MAP3K7CL: variants seen among roughly 807,000 people sequenced by gnomAD.
MAP3K7CL encodes MAP3K7 C-terminal like, also known as MAP3K7 C-terminal-like protein.
MAP3K7CL carries 16 observed loss-of-function variants against 18.6 expected under a neutral mutation model. That is an observed-to-expected ratio of 0.86 (90% CI 0.58 to 1.31). The LOEUF (loss-of-function observed/expected upper bound fraction) is 1.31, where lower values mean the gene tolerates loss of function less well. MAP3K7CL is among the 50% of genes most tolerant of loss of function. MAP3K7CL has a pLI of 0.00. For missense variants in MAP3K7CL, 163 were observed against 174.4 expected (o/e 0.93, Z 0.37); for synonymous variants, 65 against 66.8 (o/e 0.97, Z 0.13).
intron 4 of MAP3K7CL, among the ~76,000 whole-genome samples, chr21:29,093,217 C>T (rs1271924448): frequency 6.6e-6 from 1 of 152,166 alleles, no homozygotes; most frequent in Non-Finnish European, 1.5e-5. Flanking sequence ...TATCATAAGA[C>T]TTCTATTTCC....
intron 1 of MAP3K7CL, among the ~76,000 whole-genome samples, chr21:29,089,337 T>A (rs2085982354): frequency 1.3e-5 from 2 of 152,176 alleles, no homozygotes; most frequent in Admixed American, 1.3e-4. Flanking sequence ...GGCCTTACAT[T>A]TGTCTTTTTC....
At chr21:29,078,817 A>T (rs2085790649) in intron 1 of MAP3K7CL, among the ~76,000 whole-genome samples, 1 of 152,166 alleles carries the variant, frequency 6.6e-6, no homozygotes, top group South Asian at 2.1e-4. Context: ...TACGACTACC[A>T]TGTTGGTCCC....
At chr21:29,146,535 C>T (rs1230546201) in intron 2 of MAP3K7CL, among the ~76,000 whole-genome samples, 1 of 152,196 alleles carries the variant, frequency 6.6e-6, no homozygotes, top group Non-Finnish European at 1.5e-5. Flanking sequence ...TTTGTCACTT[C>T]TGGTCTAAGT....
At chr21:29,172,195 A>ATT (rs398121592) in intron 4 of MAP3K7CL, among the ~76,000 whole-genome samples, 25 of 131,824 alleles carry the variant, frequency 1.9e-4, no homozygotes, top group Admixed American at 3.1e-4. Context: ...CTTCAAAACT[A>ATT]TTTTTTTTTC....
At chr21:29,111,126 A>G (rs1379520224) in intron 4 of MAP3K7CL, among the ~76,000 whole-genome samples, 2 of 151,982 alleles carry the variant, frequency 1.3e-5, no homozygotes, top group East Asian at 1.9e-4. Context: ...CGTGGTGGTG[A>G]GTGCCTGTAG....
intron 4 of MAP3K7CL, among the ~76,000 whole-genome samples, chr21:29,095,926 G>A (rs1243213782): frequency 6.6e-6 from 1 of 152,208 alleles, no homozygotes; most frequent in Admixed American, 6.5e-5. Context: ...CCACTTGATA[G>A]TATCAGCTGT....
chr21:29,103,083 T>C (rs1024276846), intron 4 of MAP3K7CL, among the ~76,000 whole-genome samples: 2 of 152,204 alleles, frequency 1.3e-5, no homozygotes, highest in African/African-American at 4.8e-5. Context: ...TATTTGTTAT[T>C]TTAAGCTAGG....
rs560365725 is a variant in MAP3K7CL at position 29,168,972 on chromosome 21, G to A, written c.249-5740G>A. On this transcript the variant is annotated intron_variant, in intron 4 of 4. Transcript: ENST00000399928. ...TTAATTCTTGTCAGGTTGATTGATA[G>A]TGGGAATCTCCACTTCCTTTAGGTG... 5.3e-5 allele frequency among the ~76,000 whole-genome samples: 8 copies of A among 152,310 alleles called. No individual in the cohort carries two copies. In the South Asian group the frequency reaches 1.2e-3, roughly 24 times the overall value.
At chr21:29,097,156 A>G (rs897364986) in intron 4 of MAP3K7CL, among the ~76,000 whole-genome samples, 3 of 152,096 alleles carry the variant, frequency 2.0e-5, no homozygotes, top group Admixed American at 1.3e-4. Flanking sequence ...AGTTATCAGG[A>G]AAAGAGGGAC....
intron 2 of MAP3K7CL, among the ~76,000 whole-genome samples, chr21:29,141,807 T>A (rs1363221275): frequency 6.6e-6 from 1 of 152,186 alleles, no homozygotes; most frequent in Non-Finnish European, 1.5e-5. Context: ...CTCTAGTGTT[T>A]AATAAGCAGG....
intron 4 of MAP3K7CL, among the ~76,000 whole-genome samples, chr21:29,110,734 C>T (rs941638393): frequency 6.6e-6 from 1 of 152,134 alleles, no homozygotes; most frequent in Non-Finnish European, 1.5e-5. Context: ...CTGGTAGTTC[C>T]TAAACTTCAT....
intron 2 of MAP3K7CL, among the ~76,000 whole-genome samples, chr21:29,141,499 C>T (rs963950099): frequency 1.9e-4 from 28 of 146,680 alleles, no homozygotes; most frequent in African/African-American, 6.3e-4. Flanking sequence ...GGTGACACAG[C>T]GAGACTCCAT....
intron 4 of MAP3K7CL, among the ~76,000 whole-genome samples, chr21:29,106,152 A>G (rs895230073): frequency 6.6e-6 from 1 of 152,136 alleles, no homozygotes; most frequent in Admixed American, 6.5e-5. Context: ...AGGGCATGTC[A>G]AGGATAAGAC....
intron 4 of MAP3K7CL, among the ~76,000 whole-genome samples, chr21:29,114,510 C>T (rs949550624): frequency 6.6e-6 from 1 of 152,160 alleles, no homozygotes; most frequent in African/African-American, 2.4e-5. Context: ...CCCACCTCAG[C>T]CTCTCAAGTA....
chr21:29,164,699 C>T (rs1403710275), intron 4 of MAP3K7CL, among the ~76,000 whole-genome samples: 1 of 152,138 alleles, frequency 6.6e-6, no homozygotes, highest in African/African-American at 2.4e-5. Context: ...TAAAGAATCG[C>T]TTCTGGCTTA....
intron 4 of MAP3K7CL, among the ~76,000 whole-genome samples, chr21:29,173,777 C>G (rs141756099): frequency 2.5e-3 from 384 of 152,310 alleles, no homozygotes; most frequent in African/African-American, 7.0e-3. Context: ...TCATAGCTCA[C>G]TGCAGCCTCA....
chr21:29,116,745 T>C (rs999099009), intron 4 of MAP3K7CL, among the ~76,000 whole-genome samples: 4 of 152,180 alleles, frequency 2.6e-5, no homozygotes, highest in Non-Finnish European at 4.4e-5. Context: ...ACTAAAAGCA[T>C]GCTAATTAGG....
At chr21:29,091,309 TTCCCTCTAAGA>T (rs1367583119) in intron 1 of MAP3K7CL, among the ~76,000 whole-genome samples, 3 of 152,344 alleles carry the variant, frequency 2.0e-5, no homozygotes, top group African/African-American at 7.2e-5. Context: ...ATGGCCTGTG[TTCCCTCTAAGA>T]GACTGTCGTT....
At chr21:29,083,834 GTGTGTGTGTGTGTATATA>G (rs1474414623), upstream of MAP3K7CL, among the ~76,000 whole-genome samples, 1 of 149,328 alleles carries the variant, frequency 6.7e-6, no homozygotes, top group Non-Finnish European at 1.5e-5. Flanking sequence ...CAGCTGGGAT[GTGTGTGTGTGTGTATATA>G]TGTGTGTGTG....
Sources: gnomAD v4.1 joint callset for allele counts (sites outside exome capture counted in the v4.1 genomes callset) on GRCh38, gnomAD v4.1.1 for gene constraint, MANE v1.5 for transcripts, NCBI Gene and HGNC (gene_info 2026-07-23, HGNC 2026-07-21) for gene names.